The following REDIC1 variants were observed in gnomAD, a reference collection of about 807,000 sequenced individuals.
REDIC1 encodes the protein regulator of DNA class I crossover intermediates 1, also known as HEI10 Interacting Protein 1.
chr12:39,731,689 A>T, the REDIC1 span, among the ~76,000 whole-genome samples: 1 of 151,968 alleles, frequency 6.6e-6, no homozygotes, highest in Admixed American at 6.6e-5. Context: ...GTGCTGGGGG[A>T]TTTGTTGCTG....
chr12:39,719,013 T>A, the REDIC1 span, among the ~76,000 whole-genome samples: 1 of 152,176 alleles, frequency 6.6e-6, no homozygotes, highest in East Asian at 1.9e-4. Context: ...GCTACATTTT[T>A]AATACAACAT....
the REDIC1 span, among the ~76,000 whole-genome samples, chr12:39,841,920 TTA>T: frequency 6.6e-6 from 1 of 152,110 alleles, no homozygotes; most frequent in Non-Finnish European, 1.5e-5. Flanking sequence ...ATCATGAGCC[TTA>T]TTGTGCTAAT....
At chr12:39,714,143 A>G in the REDIC1 span, among the ~76,000 whole-genome samples, 2 of 149,772 alleles carry the variant, frequency 1.3e-5, no homozygotes, top group South Asian at 2.1e-4. Context: ...ACATACGTAT[A>G]TATGTATATA....
chr12:39,723,935 G>C, the REDIC1 span, among the ~76,000 whole-genome samples: 1 of 151,888 alleles, frequency 6.6e-6, no homozygotes, highest in Non-Finnish European at 1.5e-5. Flanking sequence ...ATTTTCCTCC[G>C]TGACAATATA....
At chr12:39,899,047 G>C in the REDIC1 span, among the ~76,000 whole-genome samples, 1 of 152,070 alleles carries the variant, frequency 6.6e-6, no homozygotes, top group Non-Finnish European at 1.5e-5. Context: ...AATAGTTTCA[G>C]AAGGAATGGT....
chr12:39,656,103 A>ATTTT, the REDIC1 span, among the ~76,000 whole-genome samples: 1 of 152,118 alleles, frequency 6.6e-6, no homozygotes, highest in Non-Finnish European at 1.5e-5. Flanking sequence ...TTTGTTAGGA[A>ATTTT]ATCTTGTGTC....
chr12:39,894,958 C>T, the REDIC1 span, among the ~76,000 whole-genome samples: 3 of 152,184 alleles, frequency 2.0e-5, no homozygotes, highest in Non-Finnish European at 4.4e-5. Flanking sequence ...GGAGAACCCT[C>T]ATCTGTGCTT....
chr12:39,837,823 T>C, the REDIC1 span, among the ~76,000 whole-genome samples: 1 of 151,976 alleles, frequency 6.6e-6, no homozygotes, highest in African/African-American at 2.4e-5. Context: ...ATGGCAATCA[T>C]TAAAAAGTCA....
At chr12:39,760,058 G>C in the REDIC1 span, 1 of 1,612,510 alleles carries the variant, frequency 6.2e-7, no homozygotes, top group Non-Finnish European at 8.5e-7. Context: ...TTGTCAGAAA[G>C]ATGATAGTTA....
chr12:39,846,333 T>C, the REDIC1 span, among the ~76,000 whole-genome samples: 3 of 152,294 alleles, frequency 2.0e-5, no homozygotes, highest in East Asian at 5.8e-4. Flanking sequence ...ACATTTTAAT[T>C]GGTAAATTTC....
At chr12:39,716,901 A>G in the REDIC1 span, 28 of 1,157,464 alleles carry the variant, frequency 2.4e-5, no homozygotes, top group Non-Finnish European at 3.3e-5. Context: ...TTTTTCTCAT[A>G]GTTTACCTTT....
chr12:39,711,558 T>G, the REDIC1 span, among the ~76,000 whole-genome samples: 9 of 42,322 alleles, frequency 2.1e-4, no homozygotes, highest in Non-Finnish European at 6.6e-4. Context: ...TGCATACACA[T>G]GCATGTGTAT....
chr12:39,727,550 G>A, the REDIC1 span, among the ~76,000 whole-genome samples: 1 of 152,006 alleles, frequency 6.6e-6, no homozygotes, highest in Non-Finnish European at 1.5e-5. Context: ...TTTGGTTACT[G>A]TAGCCTTGTA....
the REDIC1 span, among the ~76,000 whole-genome samples, chr12:39,635,216 A>T: frequency 6.6e-6 from 1 of 152,178 alleles, no homozygotes; most frequent in African/African-American, 2.4e-5. Flanking sequence ...TAGTTCAACC[A>T]TTGTGGAAGA....
At chr12:39,818,276 G>GA in the REDIC1 span, among the ~76,000 whole-genome samples, 31 of 148,722 alleles carry the variant, frequency 2.1e-4, no homozygotes, top group African/African-American at 3.7e-4. Context: ...GAAGTCACAG[G>GA]AAAAAAAAAA....
the REDIC1 span, among the ~76,000 whole-genome samples, chr12:39,811,031 A>G: frequency 5.9e-4 from 90 of 152,216 alleles, no homozygotes; most frequent in Non-Finnish European, 8.8e-4. Context: ...ATCTGGTTTA[A>G]TTCACCAATG....
chr12:39,833,577 AAC>A, the REDIC1 span, among the ~76,000 whole-genome samples: 1 of 152,040 alleles, frequency 6.6e-6, no homozygotes, highest in Non-Finnish European at 1.5e-5. Context: ...GCTCTTTCTG[AAC>A]ACTTTTCAAC....
chr12:39,859,804 G>A, the REDIC1 span, among the ~76,000 whole-genome samples: 12 of 152,234 alleles, frequency 7.9e-5, no homozygotes, highest in East Asian at 1.5e-3. Flanking sequence ...GGGATTACAC[G>A]CCTGAGCCAT....
the REDIC1 span, among the ~76,000 whole-genome samples, chr12:39,734,036 T>G: frequency 6.6e-6 from 1 of 152,144 alleles, no homozygotes; most frequent in Non-Finnish European, 1.5e-5. Flanking sequence ...GCCCTGGTGG[T>G]GTAGGCACCT....
Sources: allele counts gnomAD v4.1 joint callset (sites outside exome capture counted in the v4.1 genomes callset), GRCh38; gene constraint gnomAD v4.1.1; transcripts MANE v1.5; gene names NCBI Gene and HGNC (gene_info 2026-07-23, HGNC 2026-07-21).